ZBTB10: variants seen among roughly 807,000 people sequenced by gnomAD.
The protein encoded by ZBTB10 is zinc finger and BTB domain-containing protein 10.
In ZBTB10, 32 loss-of-function variants were observed where a neutral mutation model predicts 76.4. The observed-to-expected ratio is 0.42, with a 90% CI of 0.32 to 0.56. The LOEUF (loss-of-function observed/expected upper bound fraction) is 0.56. Ranked by LOEUF, ZBTB10 falls within the 20% of genes least tolerant of loss-of-function variation. The pLI, the probability that ZBTB10 is intolerant of heterozygous loss-of-function variation, is 0.14. For missense variants in ZBTB10, 1,057 were observed against 1,098.5 expected, an observed-to-expected ratio of 0.96 and a Z score of 0.53; for synonymous variants, 523 against 432.9, an observed-to-expected ratio of 1.21 and a Z score of -2.58.
At chr8:80,511,255 C>T (rs1466432696) in intron 2 of ZBTB10, among the ~76,000 whole-genome samples, 2 of 152,106 alleles carry the variant, frequency 1.3e-5, no homozygotes, top group Non-Finnish European at 2.9e-5. Context: ...AATTAGAAAT[C>T]ACAAATTCTA....
At chr8:80,493,698 C>T (rs576001751) in intron 1 of ZBTB10, among the ~76,000 whole-genome samples, 4 of 150,236 alleles carry the variant, frequency 2.7e-5, no homozygotes, top group East Asian at 3.9e-4. Flanking sequence ...GGCGTGGTGG[C>T]GCATGCCTGT....
chr8:80,506,648 T>G (rs1485179188), intron 2 of ZBTB10, among the ~76,000 whole-genome samples: 1 of 151,096 alleles, frequency 6.6e-6, no homozygotes, highest in African/African-American at 2.5e-5. Context: ...TCATGTTTTA[T>G]TGTATAAATA....
At chr8:80,507,294 G>A (rs1441144634) in intron 2 of ZBTB10, among the ~76,000 whole-genome samples, 5 of 143,328 alleles carry the variant, frequency 3.5e-5, no homozygotes, top group Admixed American at 2.1e-4. Flanking sequence ...GTGACAGAGC[G>A]AGACTCAGTC....
At chr8:80,496,654 C>T (rs1243260638) in intron 1 of ZBTB10, among the ~76,000 whole-genome samples, 2 of 152,126 alleles carry the variant, frequency 1.3e-5, no homozygotes, top group African/African-American at 4.8e-5. Flanking sequence ...AGAATCTTAA[C>T]AATTGGCACT....
chr8:80,513,932 G>T lies in ZBTB10; in HGVS notation c.1884G>T (p.Ser628=), dbSNP rs771009576. Residue 628 remains serine (S), a synonymous_variant, in exon 3 of 6, where the codon TCG becomes TCT. Coordinates refer to ENST00000455036, the MANE Select transcript of ZBTB10 (RefSeq NM_001105539.3). ...CAGATTTAGATGGTGCTCTACTCTC[G>T]GGGCCAGATGGTGATAGGAATGTGA... ...EEPDLDGALL[S]GPDGDRNVNA... 1 of 1,613,344 alleles carries T rather than the reference G, an allele frequency of 6.2e-7. No individual in the cohort carries two copies. Among genetic ancestry groups the T allele is most frequent in the Admixed American group, 1.7e-5 (1 of 59,954 alleles).
chr8:80,496,634 A>T (rs1047734334), intron 1 of ZBTB10, among the ~76,000 whole-genome samples: 3 of 152,184 alleles, frequency 2.0e-5, no homozygotes, highest in African/African-American at 7.2e-5. Flanking sequence ...ATTTGGTATG[A>T]TAAAGGCAGA....
chr8:80,499,101 A>G (rs556073824), intron 1 of ZBTB10, among the ~76,000 whole-genome samples: 26 of 152,202 alleles, frequency 1.7e-4, no homozygotes, highest in South Asian at 4.1e-4. Context: ...TTTAAGTTCA[A>G]TCGGGGGAGA....
At chr8:80,488,823 A>G (rs1378096914) in intron 1 of ZBTB10, among the ~76,000 whole-genome samples, 2 of 152,182 alleles carry the variant, frequency 1.3e-5, no homozygotes, top group Non-Finnish European at 2.9e-5. Context: ...TTGATTTTAT[A>G]AAGTTAGCTC....
rs1258295526 is a variant in ZBTB10 at position 80,509,192 on chromosome 8, A to G, written c.1862-4718A>G. ...GGAGAAAACTGAAGAGAAAAAATCT[A>G]TACCTGTTTATGGGGGGGAAAAGCA... On this transcript the variant is annotated intron_variant, in intron 2 of 5. Coordinates refer to ENST00000455036, the MANE Select transcript of ZBTB10 (RefSeq NM_001105539.3). Among the ~76,000 whole-genome samples the G allele has an allele frequency of 1.7e-4, 26 of 152,294 alleles. No individual in the cohort carries two copies. The South Asian group carries it at 1.9e-3, about 11-fold the overall frequency.
At chr8:80,515,949 TAGG>T (rs1425957359) in intron 3 of ZBTB10, among the ~76,000 whole-genome samples, 1 of 152,244 alleles carries the variant, frequency 6.6e-6, no homozygotes, top group African/African-American at 2.4e-5. Flanking sequence ...TTATAAGAAT[TAGG>T]AGAGATGAAA....
chr8:80,486,992 G>C lies in ZBTB10; in HGVS notation c.182G>C (p.Arg61Pro). 1 of 1,513,706 alleles carries C rather than the reference G, an allele frequency of 6.6e-7. No individual in the cohort carries two copies. The highest frequency in any genetic ancestry group is 1.2e-5 in the South Asian group (1 of 81,880). 93.8% of individuals were successfully genotyped at this position (1,513,706 alleles called of 1,614,324 possible). ...APPALQPPNGRGADEEVELEG... is the reference protein window; with the variant it reads ...APPALQPPNGPGADEEVELEG... ...CCCGCGCTTCAGCCGCCTAATGGGC[G>C]GGGGGCCGACGAGGAAGTGGAATTG... The change falls in exon 1 of 6, where the codon CGG becomes CCG. Residue 61 changes from arginine to proline, a missense_variant. Physicochemically the swap from Arg to Pro is moderately radical, Grantham distance 103. Coordinates refer to ENST00000455036, the MANE Select transcript of ZBTB10 (RefSeq NM_001105539.3).
rs1266415910 is a variant in ZBTB10, at chr8:80,500,003, G to T, written c.1482G>T (p.Arg494=). 6.2e-7 allele frequency: 1 copy of T among 1,613,730 alleles called. No individual in the cohort carries two copies. The highest frequency in any genetic ancestry group is 8.5e-7 in the Non-Finnish European group (1 of 1,179,884). ...ATAGAGATGGTCTGTCTTCATCACG[G>T]GATCAAAAAATTGCCAGTTTTTGGG... The part of the protein sequence containing the change: ...PVNRDGLSSS[R]DQKIASFWAT... Residue 494 remains arginine (R), a synonymous_variant, in exon 2 of 6, where the codon CGG becomes CGT. Transcript: ENST00000455036.
At chr8:80,491,732 G>A (rs1329900110) in intron 1 of ZBTB10, among the ~76,000 whole-genome samples, 1 of 152,148 alleles carries the variant, frequency 6.6e-6, no homozygotes, top group Non-Finnish European at 1.5e-5. Context: ...TGACCATTTG[G>A]CCCAGAAGAC....
At chr8:80,505,915 ATTTTTTTTT>A (rs58176444) in intron 2 of ZBTB10, among the ~76,000 whole-genome samples, 15 of 131,968 alleles carry the variant, frequency 1.1e-4, no homozygotes, top group Non-Finnish European at 1.1e-4. Flanking sequence ...TGCCTGGCTA[ATTTTTTTTT>A]TTTTTTTTTT....
intron 2 of ZBTB10, among the ~76,000 whole-genome samples, chr8:80,510,141 A>T (rs2131506722): frequency 1.3e-5 from 2 of 152,316 alleles, no homozygotes; most frequent in South Asian, 4.1e-4. Flanking sequence ...AAATAAAGGG[A>T]AGGTAATAAA....
At position 80,487,535 on chromosome 8, in the gene ZBTB10, T is replaced by C; in HGVS notation, c.725T>C (p.Leu242Pro). The change falls in exon 1 of 6, where the codon CTA becomes CCA. Residue 242 changes from leucine to proline, a missense_variant. Coordinates refer to ENST00000455036, the MANE Select transcript of ZBTB10 (RefSeq NM_001105539.3). ...TTCCCGCTCGCGCGGCCCAAGTCTC[T>C]AATGCAGAAGCTCCAATGCTCCTTC... ...QHFPLARPKS[L>P]MQKLQCSFQT... The C allele has an allele frequency of 6.3e-7, 1 of 1,586,932 alleles. No individual in the cohort carries two copies. Among genetic ancestry groups the C allele is most frequent in the Non-Finnish European group, 8.6e-7 (1 of 1,166,486 alleles).
At position 80,524,473 on chromosome 8, in the gene ZBTB10, G is replaced by A. The variant is rs1312294217; in HGVS notation, c.*4945G>A. On this transcript the variant is annotated 3_prime_UTR_variant, in exon 6 of 6. Coordinates refer to ENST00000455036, the MANE Select transcript of ZBTB10 (RefSeq NM_001105539.3). ...ATATTTGTGGACTGATTGACTACAA[G>A]TGATGTGATGTTATAAATTTGAAGT... is the stretch of plus-strand genomic sequence containing the variant. The A allele has an allele frequency of 6.6e-6, 1 of 152,104 alleles. No individual in the cohort carries two copies. The highest frequency in any genetic ancestry group is 1.9e-4 in the East Asian group (1 of 5,204). 9.4% of individuals were successfully genotyped at this position (152,104 alleles called of 1,614,324 possible).
At chr8:80,490,351 G>T (rs1815593811) in intron 1 of ZBTB10, among the ~76,000 whole-genome samples, 1 of 152,010 alleles carries the variant, frequency 6.6e-6, no homozygotes, top group Non-Finnish European at 1.5e-5. Context: ...CTGGGCTCAG[G>T]CATCCTCCCG....
intron 1 of ZBTB10, among the ~76,000 whole-genome samples, chr8:80,488,901 C>T (rs1400483724): frequency 6.6e-6 from 1 of 152,176 alleles, no homozygotes; most frequent in Admixed American, 6.5e-5. Flanking sequence ...TTAGGCGCAC[C>T]AGTAACCCCA....
Sources: gnomAD v4.1 joint callset for allele counts (sites outside exome capture counted in the v4.1 genomes callset) on GRCh38, gnomAD v4.1.1 for gene constraint, MANE v1.5 for transcripts, NCBI Gene and HGNC (gene_info 2026-07-23, HGNC 2026-07-21) for gene names.